STRN: variants seen among roughly 807,000 people sequenced by gnomAD.
The protein encoded by STRN is protein phosphatase 2 regulatory subunit B'''alpha.
STRN carries 53 observed loss-of-function variants against 96.3 expected under a neutral mutation model. The ratio of observed to expected loss-of-function variants is 0.55; its 90% CI spans 0.44 to 0.69. The LOEUF (loss-of-function observed/expected upper bound fraction) is 0.69. STRN is among the 30% of genes least tolerant of loss of function. The pLI, the probability that STRN is intolerant of heterozygous loss-of-function variation, is 0.00. For synonymous variants in STRN, 428 were observed against 355.9 expected (o/e 1.20, Z -2.28); for missense variants, 987 against 963.9 (o/e 1.02, Z -0.32).
chr2:36,902,305 T>C (rs947374946), intron 5 of STRN, among the ~76,000 whole-genome samples: 3 of 152,176 alleles, frequency 2.0e-5, no homozygotes, highest in Non-Finnish European at 4.4e-5. Context: ...AATTTCCAAA[T>C]AAAATCTTTT....
chr2:36,950,505 A>C (rs1664729598), intron 1 of STRN, among the ~76,000 whole-genome samples: 1 of 152,102 alleles, frequency 6.6e-6, no homozygotes. Context: ...CGTAGTTTTT[A>C]CTTAGGGAAA....
At chr2:36,887,939 C>A (rs950506411) in intron 7 of STRN, among the ~76,000 whole-genome samples, 31 of 152,208 alleles carry the variant, frequency 2.0e-4, no homozygotes, top group African/African-American at 7.0e-4. Flanking sequence ...ATACATCCAA[C>A]TGTTCATTCT....
At chr2:36,917,081 A>G (rs1670122621) in intron 2 of STRN, among the ~76,000 whole-genome samples, 1 of 148,296 alleles carries the variant, frequency 6.7e-6, no homozygotes, top group Non-Finnish European at 1.5e-5. Context: ...AAAAAAAAAG[A>G]CTGGGACATT....
intron 1 of STRN, among the ~76,000 whole-genome samples, chr2:36,937,706 G>A (rs1440843159): frequency 1.3e-5 from 2 of 151,584 alleles, no homozygotes; most frequent in Non-Finnish European, 2.9e-5. Flanking sequence ...AAAAAGAGAA[G>A]AAGGAAATAA....
intron 13 of STRN, among the ~76,000 whole-genome samples, chr2:36,860,771 T>C (rs1038595403): frequency 6.6e-6 from 1 of 152,200 alleles, no homozygotes; most frequent in African/African-American, 2.4e-5. Context: ...ACATTCATTT[T>C]CCTTAAAAGT....
chr2:36,876,634 C>G (rs1391840935), intron 10 of STRN, among the ~76,000 whole-genome samples: 1 of 152,058 alleles, frequency 6.6e-6, no homozygotes, highest in Non-Finnish European at 1.5e-5. Flanking sequence ...CAACAGAGAT[C>G]ATAAACTATC....
chr2:36,880,263 C>A (rs1355292787), intron 9 of STRN, among the ~76,000 whole-genome samples: 1 of 152,132 alleles, frequency 6.6e-6, no homozygotes, highest in Non-Finnish European at 1.5e-5. Flanking sequence ...CCATCATGCC[C>A]GGCCTCTACA....
At chr2:36,929,749 T>A (rs1670522558) in intron 1 of STRN, among the ~76,000 whole-genome samples, 2 of 152,212 alleles carry the variant, frequency 1.3e-5, no homozygotes. Flanking sequence ...AAAATTGAAA[T>A]CACTGAGAAG....
At chr2:36,881,107 G>A (rs948640431) in intron 9 of STRN, among the ~76,000 whole-genome samples, 3 of 145,070 alleles carry the variant, frequency 2.1e-5, no homozygotes, top group African/African-American at 7.6e-5. Context: ...TTTTAAATGT[G>A]ACACTGCCTT....
chr2:36,904,638 C>A (rs1014101829), intron 4 of STRN, among the ~76,000 whole-genome samples: 1 of 152,116 alleles, frequency 6.6e-6, no homozygotes, highest in Non-Finnish European at 1.5e-5. Context: ...ATCAGCCTGG[C>A]CAACATGGCA....
At chr2:36,888,639 A>ATGTGTGTGTGTGTG (rs70946958) in intron 7 of STRN, among the ~76,000 whole-genome samples, 303 of 145,222 alleles carry the variant, frequency 2.1e-3, no homozygotes, top group Non-Finnish European at 3.2e-3. Context: ...TTTAATTTAT[A>ATGTGTGTGTGTGTG]TGTGTGTGTG....
rs547110443 is a variant in STRN, at chr2:36,907,541, C to G, written c.413-1923G>C. 6.6e-5 allele frequency among the ~76,000 whole-genome samples: 10 copies of G among 151,624 alleles called. No homozygotes were observed. In the East Asian group the frequency reaches 1.6e-3, roughly 24 times the overall value. ...CCAGCGTGGGTGACAGAGCAAGACT[C>G]TGTCTCAAAAAAAAAAAGAAAGAAA... On this transcript the variant is annotated intron_variant, in intron 3 of 17. Transcript: ENST00000263918.
intron 1 of STRN, among the ~76,000 whole-genome samples, chr2:36,941,405 G>C (rs767156911): frequency 1.3e-5 from 2 of 151,996 alleles, no homozygotes; most frequent in Non-Finnish European, 2.9e-5. Flanking sequence ...CCATAAAAAA[G>C]TAATGTTCAA....
chr2:36,964,448 C>T (rs940571483), intron 1 of STRN, among the ~76,000 whole-genome samples: 22 of 152,112 alleles, frequency 1.4e-4, no homozygotes, highest in African/African-American at 4.8e-4. Context: ...ATAGAATGCG[C>T]TGCTAATAAA....
intron 2 of STRN, among the ~76,000 whole-genome samples, chr2:36,924,724 T>C (rs1386641722): frequency 6.6e-6 from 1 of 152,220 alleles, no homozygotes; most frequent in African/African-American, 2.4e-5. Context: ...TTTAAATTTA[T>C]TTTAGGAATG....
intron 13 of STRN, among the ~76,000 whole-genome samples, chr2:36,858,643 G>A (rs1367174606): frequency 6.6e-6 from 1 of 152,146 alleles, no homozygotes; most frequent in African/African-American, 2.4e-5. Flanking sequence ...AGTCAAATTG[G>A]AAACCTTATT....
intron 9 of STRN, among the ~76,000 whole-genome samples, chr2:36,880,403 G>A (rs1166097630): frequency 1.3e-5 from 2 of 152,030 alleles, no homozygotes; most frequent in African/African-American, 2.4e-5. Context: ...CTGTACCACT[G>A]CACTCCAACC....
chr2:36,850,596 C>T (rs1181704207), intron 16 of STRN, among the ~76,000 whole-genome samples: 1 of 152,140 alleles, frequency 6.6e-6, no homozygotes, highest in Non-Finnish European at 1.5e-5. Flanking sequence ...TAATGCTATT[C>T]AATAACTGAA....
intron 1 of STRN, among the ~76,000 whole-genome samples, chr2:36,950,957 AAAGTTT>A (rs1213980916): frequency 2.0e-5 from 3 of 152,234 alleles, no homozygotes; most frequent in Non-Finnish European, 2.9e-5. Flanking sequence ...AGAGTTCAAA[AAAGTTT>A]AAATATCATA....
Sources: gnomAD v4.1 joint callset for allele counts (sites outside exome capture counted in the v4.1 genomes callset) on GRCh38, gnomAD v4.1.1 for gene constraint, MANE v1.5 for transcripts, NCBI Gene and HGNC (gene_info 2026-07-23, HGNC 2026-07-21) for gene names.